The following DHX34 variants were observed in gnomAD, a reference collection of about 807,000 sequenced individuals.
DHX34 encodes the protein DExH-box helicase 34, also known as probable ATP-dependent RNA helicase DHX34.
DHX34 carries 96 observed loss-of-function variants against 111.1 expected under a neutral mutation model. The ratio of observed to expected loss-of-function variants is 0.86; its 90% CI spans 0.73 to 1.02. The LOEUF is 1.02. Among genes scored for constraint, DHX34 ranks in the 50% least tolerant of loss-of-function variants. The probability of loss-of-function intolerance (pLI) is 0.00; values close to 1 mark genes in which losing one functional copy is unlikely to be tolerated. For missense variants in DHX34, 1,560 were observed against 1,579.9 expected, an observed-to-expected ratio of 0.99 and a Z score of 0.21; for synonymous variants, 688 against 670.4, an observed-to-expected ratio of 1.03 and a Z score of -0.41.
chr19:47,363,597 C>T (rs986002891), intron 6 of DHX34, among the ~76,000 whole-genome samples: 2 of 152,082 alleles, frequency 1.3e-5, no homozygotes, highest in African/African-American at 2.4e-5. Flanking sequence ...GCAGGTGGAT[C>T]ACTTGATACC....
rs746160370 is a variant in DHX34, at chr19:47,380,824, C to T, written c.2991C>T (p.Tyr997=). Residue 997 remains tyrosine, a synonymous_variant, in exon 15 of 17, where the codon TAC becomes TAT. Transcript: ENST00000328771. ...LLQFTASKIP[Y]SLRRLTGLEV... ...TGTCTCTCCTTCCTTAGATTCCTTA[C>T]AGCCTCCGGCGGCTCACAGGGCTAG... 2 of 1,613,910 alleles carry T rather than the reference C, an allele frequency of 1.2e-6. No homozygotes were observed. Among genetic ancestry groups the T allele is most frequent in the South Asian group, 1.1e-5 (1 of 91,074 alleles).
At chr19:47,352,699 C>CA in intron 1 of DHX34, 55 bp from the exon 2 acceptor site, 1 of 266,718 alleles carries the variant, frequency 3.7e-6, no homozygotes, top group Non-Finnish European at 7.1e-6. Flanking sequence ...AAAACAAAAC[C>CA]AAAAAAAGCA....
At position 47,382,130 on chromosome 19, in the gene DHX34, T is replaced by G; in HGVS notation, c.*17T>G. The G allele has an allele frequency of 6.2e-7, 1 of 1,613,034 alleles. No individual in the cohort carries two copies. On this transcript the variant is annotated 3_prime_UTR_variant, in exon 17 of 17. Transcript: ENST00000328771. Reference sequence around the variant, plus strand: ...CACGTGTGAGCTGGGCCAGGAGCCCTGCCCACCTCCGTGCAGCTGACCTGC... The same window carrying G: ...CACGTGTGAGCTGGGCCAGGAGCCCGGCCCACCTCCGTGCAGCTGACCTGC...
At chr19:47,356,434 A>G (rs971002658) in intron 3 of DHX34, among the ~76,000 whole-genome samples, 1 of 152,014 alleles carries the variant, frequency 6.6e-6, no homozygotes, top group African/African-American at 2.4e-5. Context: ...GCCCAAGACC[A>G]TCCTGGCCAA....
chr19:47,357,810 A>T (rs1376388654), intron 3 of DHX34, 56 bp from the exon 4 acceptor site: 1 of 1,567,810 alleles, frequency 6.4e-7, no homozygotes, highest in Admixed American at 1.8e-5. Flanking sequence ...TCCCCAGCCC[A>T]TTGCTCTGAG....
In DHX34 at chr19:47,376,804, A is replaced by C. The variant is rs2280693; in HGVS notation, c.2599+244A>C. 6,853 of 1,511,964 alleles carry C rather than the reference A, an allele frequency of 4.5e-3. 266 individuals are homozygous for C. In the East Asian group the frequency reaches 0.091, roughly 20 times the overall value. 93.7% of individuals were successfully genotyped at this position (1,511,964 alleles called of 1,614,324 possible). A position where few individuals can be genotyped will look rare whatever the true frequency, so the allele number is the denominator to read the frequency against. Reference sequence around the variant, plus strand: ...TAAGCCAGTGTGGCTGTGCCCAGAGAGTGAGCACCGGTCAGGGGGCCTGTC... The same window carrying C: ...TAAGCCAGTGTGGCTGTGCCCAGAGCGTGAGCACCGGTCAGGGGGCCTGTC... On this transcript the variant is annotated intron_variant, in intron 12 of 16. Transcript: ENST00000328771.
At chr19:47,350,395 C>A (rs903646317) in intron 1 of DHX34, among the ~76,000 whole-genome samples, 3 of 151,632 alleles carry the variant, frequency 2.0e-5, no homozygotes, top group African/African-American at 7.3e-5. Flanking sequence ...CAGAGTGAGA[C>A]CCTGTTTCAA....
At chr19:47,364,699 C>G (rs974897609) in intron 6 of DHX34, among the ~76,000 whole-genome samples, 1 of 152,180 alleles carries the variant, frequency 6.6e-6, no homozygotes, top group African/African-American at 2.4e-5. Flanking sequence ...GATTGCATCA[C>G]TGCACTCCAG....
chr19:47,363,993 G>C (rs1381190844), intron 6 of DHX34, among the ~76,000 whole-genome samples: 1 of 152,158 alleles, frequency 6.6e-6, no homozygotes, highest in African/African-American at 2.4e-5. Flanking sequence ...AGGTTAGACT[G>C]CCATGACAAA....
rs1218040074 is a variant in DHX34 at position 47,372,935 on chromosome 19, G to C, written c.1962+12G>C. 2 of 1,580,814 alleles carry C rather than the reference G, an allele frequency of 1.3e-6. No individual in the cohort carries two copies. Among genetic ancestry groups the C allele is most frequent in the Non-Finnish European group, 1.7e-6 (2 of 1,168,630 alleles). On this transcript the variant is annotated intron_variant, in intron 8 of 16. Coordinates refer to ENST00000328771, the MANE Select transcript of DHX34 (RefSeq NM_014681.6). ...ACGCCTGGGTGCAGGTGAGGCTGGT[G>C]GTGGGGGCCCTCTGTCTGTCACCCT...
Position 47,366,208 on chromosome 19 carries a change from C to G in DHX34, c.1594-773C>G, listed in dbSNP as rs1484246785. ...TCTGGGGCAAGATGTGCTAGGCAGA[C>G]AGATACAGAGACAGCAGCCCTCCTT... On this transcript the variant is annotated intron_variant, in intron 6 of 16. Transcript: ENST00000328771. 2.0e-5 allele frequency among the ~76,000 whole-genome samples: 3 copies of G among 152,214 alleles called. 1 individual carries two copies. Among genetic ancestry groups the G allele is most frequent in the African/African-American group, 7.2e-5 (3 of 41,460 alleles).
Position 47,373,681 on chromosome 19 carries a change from AC to A in DHX34, c.2047del (p.Leu683PhefsTer23). ...IEEHRLYEMA[N>X]LRRQFKELLE... ...GAGCATCGACTGTACGAAATGGCCA[AC>A]CTTCGGCGCCAGTTCAAGGTGAGGC... On this transcript the variant is annotated frameshift_variant, in exon 9 of 17. Transcript: ENST00000328771. LOFTEE classifies it high-confidence loss of function. 6.2e-7 allele frequency: 1 copy of A among 1,613,872 alleles called. No individual in the cohort carries two copies. The highest frequency in any genetic ancestry group is 8.5e-7 in the Non-Finnish European group (1 of 1,179,896).
At chr19:47,369,856 G>T (rs1969912158) in intron 7 of DHX34, among the ~76,000 whole-genome samples, 1 of 152,164 alleles carries the variant, frequency 6.6e-6, no homozygotes, top group African/African-American at 2.4e-5. Context: ...TGGCGGTTCT[G>T]TGAGGATCTG....
Position 47,369,976 on chromosome 19 carries a change from C to T in DHX34, c.1769-2754C>T, listed in dbSNP as rs115451965. The stretch of plus-strand genomic sequence containing the variant: ...GCAGATGTGGTGCTCCTCGTCCCCA[C>T]GCTGTGTCATCAGGAATAGGGCGTT... On this transcript the variant is annotated intron_variant, in intron 7 of 16. Transcript: ENST00000328771. Among the ~76,000 whole-genome samples the T allele has an allele frequency of 2.7e-3, 415 of 152,206 alleles. 3 individuals carry two copies. Among genetic ancestry groups the T allele is most frequent in the African/African-American group, 9.8e-3 (406 of 41,542 alleles).
chr19:47,376,134 C>T (rs778924220), intron 11 of DHX34, 37 bp downstream of exon 11: 2 of 1,523,150 alleles, frequency 1.3e-6, no homozygotes, highest in East Asian at 2.3e-5. Flanking sequence ...GTTTTGTCCT[C>T]CAACACACGA....
intron 13 of DHX34, among the ~76,000 whole-genome samples, chr19:47,378,712 T>G (rs1332782836): frequency 6.6e-6 from 1 of 152,218 alleles, no homozygotes; most frequent in Non-Finnish European, 1.5e-5. Flanking sequence ...GTTGTGTGCC[T>G]GTAATCCCAG....
intron 12 of DHX34, chr19:47,376,884 C>G: frequency 6.5e-7 from 1 of 1,533,884 alleles, no homozygotes; most frequent in Non-Finnish European, 8.7e-7. Context: ...CCCCCTGGCA[C>G]CCGTGTGCAT....
chr19:47,374,084 C>T (rs1970057420), intron 9 of DHX34, among the ~76,000 whole-genome samples: 2 of 152,082 alleles, frequency 1.3e-5, no homozygotes, highest in Non-Finnish European at 2.9e-5. Flanking sequence ...AGCGTGGCCC[C>T]GGGTGTGTTA....
rs540544255 is a variant in DHX34 at position 47,359,888 on chromosome 19, C to T, written c.1273-80C>T. The T allele has an allele frequency of 1.2e-4, 187 of 1,603,204 alleles. 1 individual carries two copies. The East Asian group carries it at 2.1e-3, about 18-fold the overall frequency. ...AAGGGTTCCAGGGAAGCTGCTGACA[C>T]GGGGGTGGGCAAGAAATTGGACACA... is the stretch of plus-strand genomic sequence containing the variant. On this transcript the variant is annotated intron_variant, in intron 4 of 16. Coordinates refer to ENST00000328771, the MANE Select transcript of DHX34 (RefSeq NM_014681.6).
Sources: gnomAD v4.1 joint callset for allele counts (sites outside exome capture counted in the v4.1 genomes callset) on GRCh38, gnomAD v4.1.1 for gene constraint, MANE v1.5 for transcripts, NCBI Gene and HGNC (gene_info 2026-07-23, HGNC 2026-07-21) for gene names.